Variants in FILIP1L observed in about 807,000 individuals in gnomAD.
FILIP1L encodes filamin A interacting protein 1 like.
FILIP1L carries 55 observed loss-of-function variants against 96.6 expected under a neutral mutation model. That is an observed-to-expected ratio of 0.57 (90% CI 0.46 to 0.71). FILIP1L has a LOEUF of 0.71. Among genes scored for constraint, FILIP1L ranks in the 30% least tolerant of loss-of-function variants. The pLI is 0.00. For missense variants in FILIP1L, 1,304 were observed against 1,321.2 expected, an observed-to-expected ratio of 0.99 and a Z score of 0.20; for synonymous variants, 467 against 473.9, an observed-to-expected ratio of 0.99 and a Z score of 0.19.
At chr3:100,086,238 T>C (rs1037562831) in intron 1 of FILIP1L, among the ~76,000 whole-genome samples, 3 of 152,206 alleles carry the variant, frequency 2.0e-5, no homozygotes, top group Admixed American at 1.3e-4. Context: ...ATAGTTAACC[T>C]ATTGAGCTGA....
At chr3:100,020,645 T>G (rs1271172070) in intron 1 of FILIP1L, among the ~76,000 whole-genome samples, 1 of 152,070 alleles carries the variant, frequency 6.6e-6, no homozygotes, top group Non-Finnish European at 1.5e-5. Flanking sequence ...AAAATAGTCT[T>G]AAAGTTCTTA....
chr3:100,064,097 CA>C (rs1035504281), intron 1 of FILIP1L, among the ~76,000 whole-genome samples: 2 of 152,118 alleles, frequency 1.3e-5, no homozygotes, highest in African/African-American at 4.8e-5. Flanking sequence ...CTTCTGGTTT[CA>C]GAGAACCCAG....
intron 1 of FILIP1L, among the ~76,000 whole-genome samples, chr3:99,962,450 A>G (rs1033122003): frequency 2.6e-5 from 4 of 152,350 alleles, no homozygotes; most frequent in African/African-American, 7.2e-5. Context: ...TTTTGTTGTT[A>G]GAGAAAGGAT....
chr3:99,895,344 C>T (rs1706214033), intron 4 of FILIP1L, among the ~76,000 whole-genome samples: 1 of 150,386 alleles, frequency 6.6e-6, no homozygotes, highest in Non-Finnish European at 1.5e-5. Context: ...TGCAGTTGGT[C>T]TCATATATTT....
intron 1 of FILIP1L, among the ~76,000 whole-genome samples, chr3:99,993,799 C>T (rs1192499067): frequency 6.6e-6 from 1 of 152,088 alleles, no homozygotes; most frequent in Non-Finnish European, 1.5e-5. Context: ...TGTGTTGAAC[C>T]ATCCTTGCAT....
intron 1 of FILIP1L, among the ~76,000 whole-genome samples, chr3:100,062,366 C>T (rs1190502668): frequency 1.3e-5 from 2 of 152,026 alleles, no homozygotes; most frequent in African/African-American, 4.8e-5. Flanking sequence ...CCGTCTCGGC[C>T]TCTCAAAGTG....
At chr3:99,893,278 G>C (rs1429863253) in intron 4 of FILIP1L, among the ~76,000 whole-genome samples, 1 of 147,580 alleles carries the variant, frequency 6.8e-6, no homozygotes, top group African/African-American at 2.5e-5. Context: ...CCATTCTCCT[G>C]TCTCAGCCTC....
chr3:100,092,528 A>G (rs1019258233), intron 1 of FILIP1L, among the ~76,000 whole-genome samples: 4 of 151,656 alleles, frequency 2.6e-5, no homozygotes, highest in Admixed American at 6.6e-5. Context: ...AATTTCCTTA[A>G]AATACCCTTG....
At chr3:100,050,933 G>T (rs1575990920) in intron 1 of FILIP1L, among the ~76,000 whole-genome samples, 1 of 152,128 alleles carries the variant, frequency 6.6e-6, no homozygotes. Flanking sequence ...GAGTCTTCAA[G>T]AATTTGATCC....
intron 1 of FILIP1L, among the ~76,000 whole-genome samples, chr3:99,961,635 G>A (rs1046885522): frequency 2.0e-5 from 3 of 152,112 alleles, no homozygotes; most frequent in African/African-American, 4.8e-5. Flanking sequence ...CCTGGGAACC[G>A]ATACCTTTGG....
chr3:99,905,228 C>G (rs1011396594), intron 4 of FILIP1L, among the ~76,000 whole-genome samples: 1 of 152,242 alleles, frequency 6.6e-6, no homozygotes, highest in Admixed American at 6.5e-5. Flanking sequence ...CTATCATCTA[C>G]TACTGTTTCA....
At position 99,848,893 on chromosome 3, in the gene FILIP1L, T is replaced by C; in HGVS notation, c.2783A>G (p.His928Arg). The change falls in exon 5 of 6, where the codon CAC becomes CGC. Residue 928 changes from histidine to arginine, a missense_variant. Coordinates refer to ENST00000477258, the MANE Select transcript of FILIP1L (RefSeq NM_001387850.1). ...TATCACTGCAGTACTCGTGTAAGAG[T>C]GAGGACTCTCTGTGGTTGGACTTGT... ...EITSPTTESP[H>R]SYTSTAVIPN... 2 of 1,614,134 alleles carry C rather than the reference T, an allele frequency of 1.2e-6. No homozygotes were observed. The highest frequency in any genetic ancestry group is 1.1e-5 in the South Asian group (1 of 91,066).
chr3:99,876,016 C>T, intron 4 of FILIP1L: 1 of 980,482 alleles, frequency 1.0e-6, no homozygotes, highest in Non-Finnish European at 1.2e-6. Context: ...GACTTGCTAC[C>T]TGGCTGTCTG....
intron 1 of FILIP1L, among the ~76,000 whole-genome samples, chr3:100,064,455 G>A (rs577493680): frequency 6.6e-6 from 1 of 151,138 alleles, no homozygotes; most frequent in South Asian, 2.1e-4. Context: ...GTTCGTGTTT[G>A]CCAGCCCCTT....
At chr3:100,111,392 A>C (rs148512103) in intron 1 of FILIP1L, among the ~76,000 whole-genome samples, 138 of 152,340 alleles carry the variant, frequency 9.1e-4, no homozygotes, top group African/African-American at 3.0e-3. Flanking sequence ...TAGCTGGGCT[A>C]GTCCCTTAAA....
intron 1 of FILIP1L, among the ~76,000 whole-genome samples, chr3:99,956,617 G>A (rs1229193590): frequency 6.6e-6 from 1 of 152,212 alleles, no homozygotes; most frequent in Non-Finnish European, 1.5e-5. Context: ...AAAGTGCTGG[G>A]ATTAAAGGCG....
intron 1 of FILIP1L, among the ~76,000 whole-genome samples, chr3:99,958,985 TATC>T (rs944954098): frequency 6.6e-6 from 1 of 152,200 alleles, no homozygotes; most frequent in African/African-American, 2.4e-5. Context: ...AACAGCAAAT[TATC>T]ATGCCTTGGT....
At chr3:100,085,963 G>A (rs1348445033) in intron 1 of FILIP1L, among the ~76,000 whole-genome samples, 2 of 152,156 alleles carry the variant, frequency 1.3e-5, no homozygotes, top group African/African-American at 4.8e-5. Flanking sequence ...AATATAGAGG[G>A]TCATGAGTTT....
chr3:99,881,113 G>C (rs1043899843), intron 4 of FILIP1L, among the ~76,000 whole-genome samples: 1 of 152,082 alleles, frequency 6.6e-6, no homozygotes, highest in Non-Finnish European at 1.5e-5. Context: ...TCATCTGTTG[G>C]TAAGAGACTT....
Sources: gnomAD v4.1 joint callset for allele counts (sites outside exome capture counted in the v4.1 genomes callset) on GRCh38, gnomAD v4.1.1 for gene constraint, MANE v1.5 for transcripts, NCBI Gene and HGNC (gene_info 2026-07-23, HGNC 2026-07-21) for gene names.